Variants in CDK6 observed in about 807,000 individuals in gnomAD.
The protein encoded by CDK6 is cyclin dependent kinase 6, also known as cyclin-dependent kinase 6.
A neutral mutation model predicts 37.1 loss-of-function variants in CDK6; 6 were observed. The observed-to-expected ratio is 0.16, with a 90% confidence interval of 0.09 to 0.32. The LOEUF (loss-of-function observed/expected upper bound fraction) is 0.32. CDK6 is among the 10% of genes least tolerant of loss of function. The pLI, the probability that CDK6 is intolerant of heterozygous loss-of-function variation, is 1.00. For synonymous variants in CDK6, 160 were observed against 161.3 expected, an observed-to-expected ratio of 0.99 and a Z score of 0.06; for missense variants, 224 against 418.9, an observed-to-expected ratio of 0.53 and a Z score of 4.06.
intron 2 of CDK6, among the ~76,000 whole-genome samples, chr7:92,797,907 C>G (rs1177727167): frequency 6.6e-6 from 1 of 152,154 alleles, no homozygotes; most frequent in Non-Finnish European, 1.5e-5. Flanking sequence ...ATCTTGGACA[C>G]CTTCGATGTG....
intron 3 of CDK6, among the ~76,000 whole-genome samples, chr7:92,727,150 G>C (rs58643786): frequency 6.6e-6 from 1 of 152,194 alleles, no homozygotes; most frequent in East Asian, 1.9e-4. Flanking sequence ...TGGAAATTAA[G>C]AGTGACCTAC....
At chr7:92,737,035 C>T (rs764832091) in intron 3 of CDK6, among the ~76,000 whole-genome samples, 1 of 152,134 alleles carries the variant, frequency 6.6e-6, no homozygotes, top group African/African-American at 2.4e-5. Context: ...AGCATCTAAC[C>T]TTCGTTTCTT....
At chr7:92,622,980 C>G (rs1795839305) in intron 6 of CDK6, 56 bp downstream of exon 6, 2 of 1,066,426 alleles carry the variant, frequency 1.9e-6, no homozygotes, top group African/African-American at 3.2e-5. Context: ...AGAGGAAAGT[C>G]ACTGTAAATG....
intron 2 of CDK6, among the ~76,000 whole-genome samples, chr7:92,806,225 T>C (rs571048934): frequency 6.6e-5 from 10 of 152,294 alleles, no homozygotes; most frequent in African/African-American, 2.4e-4. Context: ...GAGATAAACC[T>C]AGATAGTTGG....
chr7:92,778,775 T>C (rs1043145793), intron 2 of CDK6, among the ~76,000 whole-genome samples: 6 of 151,978 alleles, frequency 3.9e-5, no homozygotes, highest in African/African-American at 1.2e-4. Flanking sequence ...TTTCATACTA[T>C]GACCATTTCA....
At chr7:92,761,388 T>C (rs1799453801) in intron 3 of CDK6, among the ~76,000 whole-genome samples, 2 of 152,174 alleles carry the variant, frequency 1.3e-5, no homozygotes, top group African/African-American at 4.8e-5. Context: ...GAAAGTGTTG[T>C]CTTCAGCCTC....
At chr7:92,760,208 C>T (rs1799420482) in intron 3 of CDK6, among the ~76,000 whole-genome samples, 1 of 152,052 alleles carries the variant, frequency 6.6e-6, no homozygotes, top group African/African-American at 2.4e-5. Context: ...TCTCCATAGC[C>T]CAATTATACT....
chr7:92,787,762 G>A (rs191330531), intron 2 of CDK6, among the ~76,000 whole-genome samples: 3 of 151,998 alleles, frequency 2.0e-5, no homozygotes, highest in East Asian at 1.9e-4. Flanking sequence ...GAGAAACAAC[G>A]ATGGCTCACA....
chr7:92,803,464 G>A (rs1333288045), intron 2 of CDK6, among the ~76,000 whole-genome samples: 1 of 152,186 alleles, frequency 6.6e-6, no homozygotes, highest in Non-Finnish European at 1.5e-5. Context: ...AGGTAACAAG[G>A]AGAAGAGCAA....
In CDK6 at chr7:92,618,222, C is replaced by A; in HGVS notation, c.699-15G>T. 6.2e-7 allele frequency: 1 copy of A among 1,613,526 alleles called. No homozygotes were observed. On this transcript the variant is annotated splice_polypyrimidine_tract_variant and intron_variant, in intron 6 of 7. Coordinates refer to ENST00000424848, the MANE Select transcript of CDK6 (RefSeq NM_001145306.2). ...GTCCAATCACGCTACAAAAGAACCA[C>A]ACATGGACATAAGCATTAGCTACTA...
intron 4 of CDK6, among the ~76,000 whole-genome samples, chr7:92,697,380 C>A (rs1481542218): frequency 1.3e-5 from 2 of 152,210 alleles, no homozygotes; most frequent in East Asian, 3.8e-4. Flanking sequence ...TATCAAGAGT[C>A]TTCCGTACGC....
chr7:92,643,367 T>C (rs1796362715), intron 5 of CDK6, among the ~76,000 whole-genome samples: 1 of 152,218 alleles, frequency 6.6e-6, no homozygotes, highest in Non-Finnish European at 1.5e-5. Flanking sequence ...CAGCAGCTCA[T>C]TCACTCATTC....
chr7:92,725,206 C>A, intron 4 of CDK6: 1 of 985,432 alleles, frequency 1.0e-6, no homozygotes, highest in Non-Finnish European at 1.2e-6. Context: ...AGTGCATTAA[C>A]AAACCTGTGT....
At chr7:92,771,097 G>A (rs1268166445) in intron 3 of CDK6, among the ~76,000 whole-genome samples, 2 of 151,542 alleles carry the variant, frequency 1.3e-5, no homozygotes, top group African/African-American at 4.9e-5. Context: ...TTAGCCATGC[G>A]TGGTGGCCCG....
intron 5 of CDK6, among the ~76,000 whole-genome samples, chr7:92,659,249 G>A (rs1287309531): frequency 6.6e-6 from 1 of 152,140 alleles, no homozygotes; most frequent in Non-Finnish European, 1.5e-5. Context: ...CTGAGCACTT[G>A]AAATGTGCTG....
In CDK6 at chr7:92,707,362, C is replaced by T. The variant is rs80182220; in HGVS notation, c.537+18264G>A. ...TAACTTTGTATAAAAGATCTGGTTC[C>T]AGAATACGTCCCTTTAACCATGTAC... On this transcript the variant is annotated intron_variant, in intron 4 of 7. Transcript: ENST00000424848. 3.0e-3 allele frequency among the ~76,000 whole-genome samples: 451 copies of T among 152,232 alleles called. 4 individuals are homozygous for T. Among genetic ancestry groups the T allele is most frequent in the African/African-American group, 0.01 (422 of 41,542 alleles).
In CDK6 at chr7:92,774,839, A is replaced by G. The variant is rs1799807833; in HGVS notation, c.234-8T>C. 6.2e-7 allele frequency: 1 copy of G among 1,605,224 alleles called. No individual in the cohort carries two copies. Among genetic ancestry groups the G allele is most frequent in the East Asian group, 2.2e-5 (1 of 44,446 alleles). Reference sequence around the variant, plus strand: ...GTGCACACATCAAACAACCTAGAAGAAAAAACAAAGAGGTTAAGTAGGTGG... The same window carrying G: ...GTGCACACATCAAACAACCTAGAAGGAAAAACAAAGAGGTTAAGTAGGTGG... On this transcript the variant is annotated splice_region_variant and splice_polypyrimidine_tract_variant and intron_variant, in intron 2 of 7. Transcript: ENST00000424848.
intron 4 of CDK6, among the ~76,000 whole-genome samples, chr7:92,720,026 C>T (rs940873100): frequency 6.6e-6 from 1 of 152,058 alleles, no homozygotes; most frequent in Non-Finnish European, 1.5e-5. Context: ...TTCATTTTTC[C>T]TAAGCAATGA....
intron 2 of CDK6, among the ~76,000 whole-genome samples, chr7:92,828,128 C>T (rs1367118767): frequency 1.3e-5 from 2 of 151,902 alleles, no homozygotes; most frequent in African/African-American, 2.4e-5. Flanking sequence ...CATCATTTAA[C>T]TATAGCTATT....
Sources: allele counts gnomAD v4.1 joint callset (sites outside exome capture counted in the v4.1 genomes callset), GRCh38; gene constraint gnomAD v4.1.1; transcripts MANE v1.5; gene names NCBI Gene and HGNC (gene_info 2026-07-23, HGNC 2026-07-21).